The following JAZF1 variants were observed in gnomAD, a reference collection of about 807,000 sequenced individuals.
JAZF1 encodes the protein juxtaposed with another zinc finger protein 1.
JAZF1 carries 8 observed loss-of-function variants against 26.4 expected under a neutral mutation model. The observed-to-expected ratio is 0.30, with a 90% confidence interval of 0.18 to 0.55. The LOEUF (loss-of-function observed/expected upper bound fraction) is 0.55, where lower values mean the gene tolerates loss of function less well. Ranked by LOEUF, JAZF1 falls within the 20% of genes least tolerant of loss-of-function variation. The pLI, the probability that JAZF1 is intolerant of heterozygous loss-of-function variation, is 0.94. For missense variants in JAZF1, 199 were observed against 322.0 expected, an observed-to-expected ratio of 0.62 and a Z score of 2.92; for synonymous variants, 126 against 122.3, an observed-to-expected ratio of 1.03 and a Z score of -0.20.
rs1373778449 is a variant in JAZF1 at position 28,119,777 on chromosome 7, CTA to C, written c.115+60684_115+60685del. The stretch of plus-strand genomic sequence containing the variant: ...CTGAATACCCACTACGTGCCAGATG[CTA>C]TTCTGGGCATTTGGGACATATCAAT... On this transcript the variant is annotated intron_variant, in intron 1 of 4. Transcript: ENST00000283928. Among the ~76,000 whole-genome samples the C allele has an allele frequency of 7.2e-5, 11 of 152,302 alleles. 1 individual carries two copies. Among genetic ancestry groups the C allele is most frequent in the Admixed American group, 7.2e-4 (11 of 15,308 alleles).
At chr7:27,864,078 ACTACCGCCTG>A (rs1187945333) in intron 3 of JAZF1, 4 of 152,204 alleles carry the variant, frequency 2.6e-5, no homozygotes, top group African/African-American at 9.7e-5. Context: ...CAGGGCCCTG[ACTACCGCCTG>A]GCCGCTGTGA....
At chr7:27,892,467 TG>T (rs2128341523) in intron 3 of JAZF1, among the ~76,000 whole-genome samples, 1 of 152,358 alleles carries the variant, frequency 6.6e-6, no homozygotes, top group Non-Finnish European at 1.5e-5. Flanking sequence ...TTTATTTTCA[TG>T]GGGTCCTAGG....
chr7:28,117,052 G>A (rs567172881), intron 1 of JAZF1, among the ~76,000 whole-genome samples: 134 of 152,252 alleles, frequency 8.8e-4, no homozygotes, highest in Non-Finnish European at 1.4e-3. Context: ...TCGAACTCCT[G>A]ACCTCAGATG....
At chr7:27,898,286 C>T (rs1209420014) in intron 2 of JAZF1, among the ~76,000 whole-genome samples, 2 of 99,616 alleles carry the variant, frequency 2.0e-5, no homozygotes, top group Non-Finnish European at 3.8e-5. Context: ...ACGTCTAACT[C>T]ATATATATAT....
At position 27,944,015 on chromosome 7, in the gene JAZF1, C is replaced by G. The variant is rs770606828; in HGVS notation, c.188+47894G>C. Among the ~76,000 whole-genome samples the G allele has an allele frequency of 2.0e-5, 3 of 152,290 alleles. No homozygotes were observed. The South Asian group carries it at 6.2e-4, about 32-fold the overall frequency. ...TTTTGTACCACACTTCCCTCCTTGG[C>G]GTGTCCTTCAACAGCCATTCAAATT... On this transcript the variant is annotated intron_variant, in intron 2 of 4. Coordinates refer to ENST00000283928, the MANE Select transcript of JAZF1 (RefSeq NM_175061.4).
chr7:27,865,435 C>T (rs1783456266), intron 3 of JAZF1, among the ~76,000 whole-genome samples: 1 of 152,122 alleles, frequency 6.6e-6, no homozygotes, highest in South Asian at 2.1e-4. Context: ...TGTATGTGCT[C>T]TCTCACAGAA....
At chr7:27,869,226 T>C (rs908460074) in intron 3 of JAZF1, among the ~76,000 whole-genome samples, 3 of 152,162 alleles carry the variant, frequency 2.0e-5, no homozygotes, top group African/African-American at 7.2e-5. Flanking sequence ...AGTCATGGCC[T>C]AATAAATCAC....
At chr7:28,026,472 GA>G (rs1349795759) in intron 1 of JAZF1, among the ~76,000 whole-genome samples, 21 of 152,264 alleles carry the variant, frequency 1.4e-4, no homozygotes, top group Admixed American at 1.0e-3. Flanking sequence ...CCCTGATTTT[GA>G]ACCTGTTCCA....
At chr7:28,023,205 C>T (rs886663105) in intron 1 of JAZF1, among the ~76,000 whole-genome samples, 4 of 152,082 alleles carry the variant, frequency 2.6e-5, no homozygotes, top group South Asian at 2.1e-4. Context: ...CGAGTCCAGC[C>T]GTGAAGCATT....
intron 3 of JAZF1, among the ~76,000 whole-genome samples, chr7:27,857,350 C>T (rs1783287150): frequency 6.6e-6 from 1 of 152,350 alleles, no homozygotes; most frequent in East Asian, 1.9e-4. Flanking sequence ...TCGTGCTGGC[C>T]TGCAAGTGCC....
intron 1 of JAZF1, among the ~76,000 whole-genome samples, chr7:28,122,199 C>T (rs1782616367): frequency 6.6e-6 from 1 of 152,148 alleles, no homozygotes. Context: ...TGAGCCAAAA[C>T]CAAATACATA....
At chr7:27,847,914 C>T (rs955886875) in intron 3 of JAZF1, among the ~76,000 whole-genome samples, 7 of 152,080 alleles carry the variant, frequency 4.6e-5, no homozygotes, top group Admixed American at 2.0e-4. Context: ...GTGATCCGCC[C>T]GTCTCAGCCT....
At chr7:27,946,105 A>G (rs992210934) in intron 2 of JAZF1, among the ~76,000 whole-genome samples, 2 of 152,226 alleles carry the variant, frequency 1.3e-5, no homozygotes, top group African/African-American at 4.8e-5. Flanking sequence ...GTTTAAGGCC[A>G]GCTAGGCTAA....
intron 1 of JAZF1, among the ~76,000 whole-genome samples, chr7:28,164,975 C>T (rs1783343751): frequency 6.6e-6 from 1 of 152,130 alleles, no homozygotes; most frequent in Admixed American, 6.5e-5. Flanking sequence ...TTGAGACCAG[C>T]CTGGGCAACA....
At chr7:27,874,699 C>T (rs1783643706) in intron 3 of JAZF1, among the ~76,000 whole-genome samples, 1 of 109,786 alleles carries the variant, frequency 9.1e-6, no homozygotes, top group South Asian at 3.8e-4. Flanking sequence ...ATCAGGCCAA[C>T]CACTGAACCT....
chr7:27,849,948 A>G (rs1783112887), intron 3 of JAZF1, among the ~76,000 whole-genome samples: 1 of 152,140 alleles, frequency 6.6e-6, no homozygotes, highest in Non-Finnish European at 1.5e-5. Context: ...TTACCCGTGG[A>G]GATGGCCCAA....
chr7:28,051,664 C>A (rs1222324828), intron 1 of JAZF1, among the ~76,000 whole-genome samples: 1 of 152,092 alleles, frequency 6.6e-6, no homozygotes, highest in Non-Finnish European at 1.5e-5. Flanking sequence ...CCCCAACAAG[C>A]CTCACCCATC....
intron 1 of JAZF1, among the ~76,000 whole-genome samples, chr7:28,174,982 T>G (rs1308542058): frequency 5.9e-5 from 4 of 67,760 alleles, no homozygotes; most frequent in African/African-American, 1.3e-4. Context: ...AGCCTTTCAT[T>G]CATTCATTTA....
intron 3 of JAZF1, among the ~76,000 whole-genome samples, chr7:27,850,569 A>AATCTCACTCTGTC (rs1783125963): frequency 1.3e-5 from 2 of 152,212 alleles, no homozygotes; most frequent in African/African-American, 4.8e-5. Flanking sequence ...AACCACAAGG[A>AATCTCACTCTGTC]GCCACTGGAC....
Sources: allele counts gnomAD v4.1 joint callset (sites outside exome capture counted in the v4.1 genomes callset), GRCh38; gene constraint gnomAD v4.1.1; transcripts MANE v1.5; gene names NCBI Gene and HGNC (gene_info 2026-07-23, HGNC 2026-07-21).